The following DNAJC3 variants were observed in gnomAD, a reference collection of about 807,000 sequenced individuals.
The protein encoded by DNAJC3 is DnaJ heat shock protein family (Hsp40) member C3, also known as dnaJ homolog subfamily C member 3.
DNAJC3 carries 38 observed loss-of-function variants against 68.6 expected under a neutral mutation model. The observed-to-expected ratio is 0.55, with a 90% confidence interval of 0.43 to 0.73. DNAJC3 has a LOEUF of 0.73. DNAJC3 is among the 30% of genes least tolerant of loss of function. The pLI is 0.00. For synonymous variants in DNAJC3, 203 were observed against 204.0 expected (o/e 1.00, Z 0.04); for missense variants, 526 against 591.9 (o/e 0.89, Z 1.16).
At chr13:95,757,019 A>T (rs1362701869) in intron 4 of DNAJC3, among the ~76,000 whole-genome samples, 1 of 152,206 alleles carries the variant, frequency 6.6e-6, no homozygotes, top group Non-Finnish European at 1.5e-5. Context: ...ATTTTATGCT[A>T]TATAAATTAT....
At chr13:95,732,694 A>AT (rs1180901391) in intron 4 of DNAJC3, among the ~76,000 whole-genome samples, 11 of 140,918 alleles carry the variant, frequency 7.8e-5, no homozygotes, top group South Asian at 2.2e-4. Flanking sequence ...TGTGATCTTT[A>AT]TTTTTTTTTC....
At chr13:95,766,214 G>T (rs965428988) in intron 9 of DNAJC3, among the ~76,000 whole-genome samples, 2 of 152,152 alleles carry the variant, frequency 1.3e-5, no homozygotes, top group African/African-American at 4.8e-5. Context: ...AGAATGAATA[G>T]GTTTAGGTTA....
chr13:95,706,667 C>T (rs1880759374), intron 1 of DNAJC3, among the ~76,000 whole-genome samples: 1 of 152,120 alleles, frequency 6.6e-6, no homozygotes, highest in Non-Finnish European at 1.5e-5. Flanking sequence ...GTCATCTCCT[C>T]AGACAAGGGG....
At chr13:95,762,726 C>A (rs1286522738) in intron 7 of DNAJC3, among the ~76,000 whole-genome samples, 1 of 152,114 alleles carries the variant, frequency 6.6e-6, no homozygotes, top group Non-Finnish European at 1.5e-5. Context: ...AGGTATTAAG[C>A]CCCACATGCA....
chr13:95,736,889 G>C (rs1187787276), intron 4 of DNAJC3, among the ~76,000 whole-genome samples: 1 of 149,186 alleles, frequency 6.7e-6, no homozygotes, highest in African/African-American at 2.5e-5. Context: ...GGGCATCCCT[G>C]TCTTGTGCCA....
chr13:95,703,986 A>T (rs1208762573), intron 1 of DNAJC3, among the ~76,000 whole-genome samples: 2 of 152,150 alleles, frequency 1.3e-5, no homozygotes, highest in Non-Finnish European at 2.9e-5. Flanking sequence ...TCTGGGTTCC[A>T]CTTACCCTAC....
intron 1 of DNAJC3, among the ~76,000 whole-genome samples, chr13:95,704,839 C>CTGTG (rs990886148): frequency 8.9e-6 from 1 of 112,040 alleles, no homozygotes; most frequent in African/African-American, 5.4e-5. Context: ...AAGGACTAAT[C>CTGTG]TGTGTGTGTG....
chr13:95,740,275 C>G (rs1237870336), intron 4 of DNAJC3, among the ~76,000 whole-genome samples: 1 of 152,238 alleles, frequency 6.6e-6, no homozygotes, highest in Non-Finnish European at 1.5e-5. Context: ...TTTGTCTGTG[C>G]CCTGCTCCCA....
At chr13:95,780,075 A>G (rs965680171) in intron 9 of DNAJC3, among the ~76,000 whole-genome samples, 11 of 152,160 alleles carry the variant, frequency 7.2e-5, no homozygotes, top group Non-Finnish European at 1.3e-4. Context: ...TAACAGTCGC[A>G]GTACTCTCTG....
chr13:95,721,364 G>C (rs761178472), intron 2 of DNAJC3, among the ~76,000 whole-genome samples: 4 of 152,106 alleles, frequency 2.6e-5, no homozygotes, highest in Admixed American at 6.5e-5. Flanking sequence ...GAATAATACT[G>C]CTGTGAACAT....
intron 1 of DNAJC3, among the ~76,000 whole-genome samples, chr13:95,708,543 T>G (rs1156934876): frequency 1.3e-5 from 2 of 152,186 alleles, no homozygotes; most frequent in Non-Finnish European, 2.9e-5. Flanking sequence ...TCCTGGAAGC[T>G]ATTTTCCTAG....
chr13:95,686,176 T>TG (rs1353006528), intron 1 of DNAJC3, among the ~76,000 whole-genome samples: 1 of 152,174 alleles, frequency 6.6e-6, no homozygotes, highest in Non-Finnish European at 1.5e-5. Context: ...CTAGCCAGAA[T>TG]GGTCTTGATC....
intron 1 of DNAJC3, chr13:95,694,891 T>A (rs1270994260): frequency 2.0e-5 from 3 of 152,672 alleles, no homozygotes; most frequent in African/African-American, 7.2e-5. Context: ...GGGTCACTTA[T>A]GTCCCTAGAA....
intron 2 of DNAJC3, among the ~76,000 whole-genome samples, chr13:95,719,338 G>GTAT (rs1267041021): frequency 1.3e-5 from 2 of 152,138 alleles, no homozygotes; most frequent in Non-Finnish European, 2.9e-5. Context: ...TAGGCATGAT[G>GTAT]TATTATATCA....
In DNAJC3 at chr13:95,757,660, G is replaced by A. The variant is rs753390487; in HGVS notation, c.410G>A (p.Ser137Asn). The change falls in exon 5 of 12, where the codon AGT becomes AAT. Residue 137 changes from serine to asparagine, a missense_variant. Transcript: ENST00000602402. The part of the protein sequence containing the change: ...DFKKVLKSNP[S>N]ENEEKEAQSQ... Reference sequence around the variant, plus strand: ...TCCTTATAGCTCAAATCTAATCCAAGTGAAAATGAAGAAAAGGAAGCACAG... The same window carrying A: ...TCCTTATAGCTCAAATCTAATCCAAATGAAAATGAAGAAAAGGAAGCACAG... The A allele has an allele frequency of 5.1e-6, 8 of 1,565,852 alleles. No homozygotes were observed. In the African/African-American group the frequency reaches 9.4e-5, roughly 18 times the overall value.
At chr13:95,747,940 G>A (rs941675262) in intron 4 of DNAJC3, among the ~76,000 whole-genome samples, 8 of 152,188 alleles carry the variant, frequency 5.3e-5, no homozygotes, top group Middle Eastern at 3.2e-3. Context: ...GGGACAGGTA[G>A]AGAAAATATG....
intron 9 of DNAJC3, among the ~76,000 whole-genome samples, chr13:95,765,567 GTTTTTT>G (rs1024972959): frequency 9.8e-6 from 1 of 102,348 alleles, no homozygotes; most frequent in Non-Finnish European, 2.0e-5. Context: ...TAATTGATCT[GTTTTTT>G]TTTTTTTTTT....
At chr13:95,689,700 T>C (rs1050950622) in intron 1 of DNAJC3, among the ~76,000 whole-genome samples, 9 of 152,156 alleles carry the variant, frequency 5.9e-5, no homozygotes, top group African/African-American at 2.2e-4. Flanking sequence ...GTTGTTCATT[T>C]GCGATCTTTC....
intron 4 of DNAJC3, among the ~76,000 whole-genome samples, chr13:95,757,360 C>T (rs750636680): frequency 6.6e-6 from 1 of 152,184 alleles, no homozygotes; most frequent in Non-Finnish European, 1.5e-5. Flanking sequence ...TTCCTCCGTT[C>T]TTCTCTGTCC....
Sources: gnomAD v4.1 joint callset for allele counts (sites outside exome capture counted in the v4.1 genomes callset) on GRCh38, gnomAD v4.1.1 for gene constraint, MANE v1.5 for transcripts, NCBI Gene and HGNC (gene_info 2026-07-23, HGNC 2026-07-21) for gene names.